Variants in USB1 observed in about 807,000 individuals in gnomAD.
USB1 encodes U6 snRNA biogenesis phosphodiesterase 1.
USB1 carries 21 observed loss-of-function variants against 29.9 expected under a neutral mutation model. The ratio of observed to expected loss-of-function variants is 0.70; its 90% CI spans 0.50 to 1.01. The LOEUF (loss-of-function observed/expected upper bound fraction) is 1.01. Among genes scored for constraint, USB1 ranks in the 50% least tolerant of loss-of-function variants. The pLI is 0.00. For missense variants in USB1, 330 were observed against 347.1 expected (o/e 0.95, Z 0.39); for synonymous variants, 143 against 134.9 (o/e 1.06, Z -0.42).
At chr16:58,001,020 C>A (rs1199359757), upstream of USB1, among the ~76,000 whole-genome samples, 1 of 152,086 alleles carries the variant, frequency 6.6e-6, no homozygotes, top group Non-Finnish European at 1.5e-5. Context: ...AACTGCTCAG[C>A]TTGGCTTTTA....
chr16:58,000,909 G>A (rs1963167504), upstream of USB1, among the ~76,000 whole-genome samples: 1 of 152,228 alleles, frequency 6.6e-6, no homozygotes, highest in Non-Finnish European at 1.5e-5. This position sits in a 1 kb window ranked among gnomAD's most constrained non-coding sequence, Gnocchi z 4.5. Flanking sequence ...CCCCGCTCGG[G>A]CTTAGGGGAG....
At chr16:58,005,222 A>G (rs570350913) in intron 2 of USB1, among the ~76,000 whole-genome samples, 1 of 152,336 alleles carries the variant, frequency 6.6e-6, no homozygotes, top group Non-Finnish European at 1.5e-5. Flanking sequence ...TTAGGCCTCC[A>G]GATAACTGCG....
At chr16:58,005,910 G>A (rs944787554) in intron 2 of USB1, among the ~76,000 whole-genome samples, 7 of 152,118 alleles carry the variant, frequency 4.6e-5, no homozygotes, top group African/African-American at 1.2e-4. Context: ...CTACTTGTTC[G>A]TTGCTGGTGT....
At chr16:58,011,251 A>C (rs1471490680) in intron 3 of USB1, 1 of 1,462,898 alleles carries the variant, frequency 6.8e-7, no homozygotes, top group East Asian at 2.5e-5. Context: ...GTGATAGGTC[A>C]AACAGGTCAT....
chr16:58,018,098 C>T (rs1963659475), intron 5 of USB1, among the ~76,000 whole-genome samples: 1 of 152,096 alleles, frequency 6.6e-6, no homozygotes, highest in Admixed American at 6.6e-5. Context: ...TCTGTGAATA[C>T]GACTGTCTTA....
Position 58,001,439 on chromosome 16 carries a change from T to G in USB1, c.-45T>G. ...GCACAGCGGAACTCCGGGTGCCGGT[T>G]GAGGTTGCTGGTGGACCTGCTCTGG... On this transcript the variant is annotated 5_prime_UTR_variant, in exon 1 of 7. Transcript: ENST00000219281. The G allele has an allele frequency of 3.2e-6, 5 of 1,562,038 alleles. No homozygotes were observed. Among genetic ancestry groups the G allele is most frequent in the Non-Finnish European group, 4.3e-6 (5 of 1,153,420 alleles).
intron 3 of USB1, chr16:58,011,139 A>G (rs1472361416): frequency 1.5e-6 from 2 of 1,343,208 alleles, no homozygotes; most frequent in East Asian, 2.5e-5. Context: ...ATAGAACAAA[A>G]GATGCTCCTA....
chr16:58,002,327 C>A lies in USB1; in HGVS notation c.99-152C>A, dbSNP rs1040712708. On this transcript the variant is annotated intron_variant, in intron 1 of 6. Transcript: ENST00000219281. ...CCCCAATGAGACAATACTGGAGAAA[C>A]AATTTCGCTATCTAGAAGCTGCTTC... The A allele has an allele frequency of 1.8e-5, 22 of 1,244,274 alleles. No homozygotes were observed. The African/African-American group carries it at 2.8e-4, about 16-fold the overall frequency. The allele number at this position is 1,244,274 out of a possible 1,614,324, so 77.1% of individuals were successfully genotyped here.
chr16:58,013,056 G>C lies in USB1; in HGVS notation c.450-1217G>C, dbSNP rs1963535246. On this transcript the variant is annotated intron_variant, in intron 3 of 6. Transcript: ENST00000219281. The surrounding 1 kb of genome is among the most constrained non-coding windows in gnomAD (Gnocchi z 4.3). Reference sequence around the variant, plus strand: ...AGTGAAGCCCGGGCAGGTGTGGTCTGTTCAACTTTGATCATCTGGTTGAGC... The same window carrying C: ...AGTGAAGCCCGGGCAGGTGTGGTCTCTTCAACTTTGATCATCTGGTTGAGC... 4.1e-6 allele frequency: 4 copies of C among 985,554 alleles called. No individual in the cohort carries two copies. In the African/African-American group the frequency reaches 7.0e-5, roughly 17 times the overall value. 61.1% of individuals were successfully genotyped at this position (985,554 alleles called of 1,614,324 possible). A position where few individuals can be genotyped will look rare whatever the true frequency, so the allele number is the denominator to read the frequency against.
chr16:58,018,853 C>A, intron 5 of USB1, 119 bp from the exon 6 acceptor site: 4 of 965,116 alleles, frequency 4.1e-6, no homozygotes, highest in Non-Finnish European at 6.5e-6. Flanking sequence ...ATCTTGTCTC[C>A]CACTGGGCAG....
intron 3 of USB1, chr16:58,012,614 A>G: frequency 2.2e-6 from 3 of 1,366,774 alleles, no homozygotes; most frequent in Non-Finnish European, 2.8e-6. Flanking sequence ...AGTCACAGGA[A>G]TGACTGCCTG....
chr16:58,001,413 G>A lies in USB1; in HGVS notation c.-71G>A, dbSNP rs749839080. On this transcript the variant is annotated 5_prime_UTR_variant, in exon 1 of 7. Transcript: ENST00000219281. ...GCCCCGCCCCTGGGAGGGCGCTTCC[G>A]GCACAGCGGAACTCCGGGTGCCGGT... 35 of 1,539,368 alleles carry A rather than the reference G, an allele frequency of 2.3e-5. No homozygotes were observed. Among genetic ancestry groups the A allele is most frequent in the Non-Finnish European group, 3.1e-5 (35 of 1,137,432 alleles).
intron 2 of USB1, among the ~76,000 whole-genome samples, chr16:58,009,233 T>C (rs999808908): frequency 6.6e-6 from 1 of 152,204 alleles, no homozygotes; most frequent in Non-Finnish European, 1.5e-5. Context: ...GTCAATCTTT[T>C]GGTGAGCCGG....
chr16:58,007,368 TTTTG>T (rs149858196), intron 2 of USB1, among the ~76,000 whole-genome samples: 52 of 152,028 alleles, frequency 3.4e-4, no homozygotes, highest in African/African-American at 1.1e-3. Flanking sequence ...GGAAGGTAAT[TTTTG>T]TTTGTTTGTT....
chr16:58,007,287 A>AT (rs989654820), intron 2 of USB1, among the ~76,000 whole-genome samples: 8 of 152,172 alleles, frequency 5.3e-5, no homozygotes, highest in Admixed American at 3.3e-4. Context: ...AATTGGTTTA[A>AT]TTTTTTCCTT....
chr16:58,001,507 C>A lies in USB1; in HGVS notation c.24C>A (p.Gly8=). ...CCATGAGCGCGGCGCCCCTGGTGGG[C>A]TACAGCAGCAGCGGCTCCGAGGATG... MSAAPLV[G]YSSSGSEDES... The change falls in exon 1 of 7, where the codon GGC becomes GGA. Residue 8 remains glycine (G), a synonymous_variant. Transcript: ENST00000219281. The A allele has an allele frequency of 6.2e-7, 1 of 1,606,686 alleles. No homozygotes were observed. Among genetic ancestry groups the A allele is most frequent in the East Asian group, 2.2e-5 (1 of 44,540 alleles).
chr16:58,010,830 A>G, intron 3 of USB1: 1 of 594,184 alleles, frequency 1.7e-6, no homozygotes, highest in Non-Finnish European at 3.0e-6. Flanking sequence ...CTCCCAGCAC[A>G]TGGGTGCGTT....
At chr16:58,005,709 T>C (rs1163542629) in intron 2 of USB1, among the ~76,000 whole-genome samples, 2 of 152,242 alleles carry the variant, frequency 1.3e-5, no homozygotes, top group Admixed American at 6.5e-5. Context: ...GCCCTCGGTC[T>C]CTTGCCTCGG....
At chr16:58,012,189 G>A in intron 3 of USB1, 1 of 1,480,632 alleles carries the variant, frequency 6.8e-7, no homozygotes, top group Non-Finnish European at 8.9e-7. Context: ...GACAGGATTT[G>A]TCCCAATCCA....
Sources: allele counts gnomAD v4.1 joint callset (sites outside exome capture counted in the v4.1 genomes callset), GRCh38; gene constraint gnomAD v4.1.1; non-coding constraint Gnocchi (gnomAD v3.1); transcripts MANE v1.5; gene names NCBI Gene and HGNC (gene_info 2026-07-23, HGNC 2026-07-21).